The following FREM2 variants were observed in gnomAD, a reference collection of about 807,000 sequenced individuals.
The protein encoded by FREM2 is FRAS1 related extracellular matrix 2.
In FREM2, 119 loss-of-function variants were observed where a neutral mutation model predicts 219.9. That is an observed-to-expected ratio of 0.54 (90% CI 0.47 to 0.63). FREM2 has a LOEUF of 0.63. FREM2 is among the 30% of genes least tolerant of loss of function. FREM2 has a pLI of 0.00. For synonymous variants in FREM2, 1,562 were observed against 1,522.8 expected (o/e 1.03, Z -0.60); for missense variants, 4,030 against 3,993.6 (o/e 1.01, Z -0.25).
Position 38,837,775 on chromosome 13 carries a change from G to GTTT in FREM2, c.6020-8796_6020-8794dup, listed in dbSNP as rs1555270912. Among the ~76,000 whole-genome samples the GTTT allele has an allele frequency of 9.1e-3, 1,171 of 127,998 alleles. 24 individuals are homozygous for GTTT. Among genetic ancestry groups the GTTT allele is most frequent in the Middle Eastern group, 0.02 (5 of 248 alleles). 84.0% of individuals were successfully genotyped at this position (127,998 alleles called of 152,430 possible). ...GGATTGCAACCCCTGGTTTTTTTTTGTTTTGTTTTGTTTTGTTTTTGCTTT... is the reference window on the plus strand; with the variant it reads ...GGATTGCAACCCCTGGTTTTTTTTTGTTTTTTTGTTTTGTTTTGTTTTTGCTTT... On this transcript the variant is annotated intron_variant, in intron 6 of 23. Transcript: ENST00000280481.
chr13:38,813,563 C>A (rs61947962), intron 6 of FREM2, among the ~76,000 whole-genome samples: 788 of 4,308 alleles, frequency 0.18, 76 homozygotes, highest in African/African-American at 0.22. Flanking sequence ...CTCTCTCTCT[C>A]TATATATATA....
chr13:38,856,299 G>A (rs1877558984), intron 12 of FREM2, 43 bp downstream of exon 12: 2 of 1,586,530 alleles, frequency 1.3e-6, no homozygotes, highest in Non-Finnish European at 8.6e-7. Context: ...CTAGCAGTTT[G>A]TCAGAGGAAA....
At chr13:38,789,062 TATTTTTGC>T (rs1806704182) in intron 6 of FREM2, among the ~76,000 whole-genome samples, 1 of 152,068 alleles carries the variant, frequency 6.6e-6, no homozygotes, top group African/African-American at 2.4e-5. Context: ...TTCATTTTAG[TATTTTTGC>T]ATGTATATGG....
At chr13:38,712,730 A>G (rs1217280688) in intron 2 of FREM2, among the ~76,000 whole-genome samples, 1 of 151,900 alleles carries the variant, frequency 6.6e-6, no homozygotes, top group Non-Finnish European at 1.5e-5. Flanking sequence ...ATTCCAGTGT[A>G]TTACTATTTG....
intron 6 of FREM2, among the ~76,000 whole-genome samples, chr13:38,824,524 C>T (rs897076600): frequency 2.6e-5 from 4 of 152,030 alleles, no homozygotes; most frequent in African/African-American, 9.7e-5. Flanking sequence ...ACCAAAGGCT[C>T]ATAGGTTAGG....
chr13:38,695,671 G>A (rs1031446913), intron 1 of FREM2, among the ~76,000 whole-genome samples: 1 of 152,170 alleles, frequency 6.6e-6, no homozygotes, highest in African/African-American at 2.4e-5. Context: ...AAGATGTGTA[G>A]TCAGCAGAGT....
At chr13:38,785,592 C>G (rs760508151) in intron 6 of FREM2, among the ~76,000 whole-genome samples, 6 of 152,230 alleles carry the variant, frequency 3.9e-5, no homozygotes, top group Non-Finnish European at 5.9e-5. Context: ...TGGAAAGAAG[C>G]TGGAAGACAG....
At chr13:38,778,105 A>G (rs960917190) in intron 4 of FREM2, among the ~76,000 whole-genome samples, 2 of 152,250 alleles carry the variant, frequency 1.3e-5, no homozygotes, top group African/African-American at 4.8e-5. Context: ...AAAATCCCAT[A>G]CATGGACCAC....
In FREM2 at chr13:38,880,466, G is replaced by T. The variant is rs1338009734; in HGVS notation, c.9189G>T (p.Trp3063Cys). 2 of 1,614,038 alleles carry T rather than the reference G, an allele frequency of 1.2e-6. No homozygotes were observed. The highest frequency in any genetic ancestry group is 2.7e-5 in the African/African-American group (2 of 74,968). Residue 3063 changes from tryptophan to cysteine, a missense_variant, in exon 24 of 24, where the codon TGG (tryptophan) becomes TGT (cysteine). This residue lies in a region of FREM2 where 928 missense variants were observed against 1,042.9 expected (regional missense o/e 0.89). Coordinates refer to ENST00000280481, the MANE Select transcript of FREM2 (RefSeq NM_207361.6). ...REIRSTPSLAWEIGAENSRGT... is the reference protein window; with the variant it reads ...REIRSTPSLACEIGAENSRGT... The stretch of plus-strand genomic sequence containing the variant: ...TCAGGAGCACACCCTCACTGGCATG[G>T]GAGATTGGTGCTGAAAACAGTCGAG...
rs187675517 is a variant in FREM2, at chr13:38,755,629, A to G, written c.5264-8675A>G. On this transcript the variant is annotated intron_variant, in intron 2 of 23. Transcript: ENST00000280481. ...TCTATAGAGTCCATTATTTTGCCTG[A>G]CATCCATTTTCATTACCACAAGTTC... is the stretch of plus-strand genomic sequence containing the variant. Among the ~76,000 whole-genome samples, 582 of 152,252 alleles carry G rather than the reference A, an allele frequency of 3.8e-3. 4 individuals are homozygous for G. The highest frequency in any genetic ancestry group is 0.013 in the African/African-American group (550 of 41,548).
chr13:38,868,451 C>A (rs572323057), intron 16 of FREM2, among the ~76,000 whole-genome samples: 16 of 152,310 alleles, frequency 1.1e-4, no homozygotes, highest in African/African-American at 3.9e-4. Flanking sequence ...AGCCCAGGTT[C>A]GTGTAGCTTG....
chr13:38,865,694 T>C (rs1877937583), intron 16 of FREM2, among the ~76,000 whole-genome samples: 2 of 152,154 alleles, frequency 1.3e-5, no homozygotes, highest in Admixed American at 6.5e-5. Context: ...GACATGACCA[T>C]AGCCACCTTG....
intron 6 of FREM2, among the ~76,000 whole-genome samples, chr13:38,807,188 GTTATATATATATATAT>G (rs1310711651): frequency 0.016 from 1,057 of 66,420 alleles, 150 homozygotes; most frequent in South Asian, 0.029. Flanking sequence ...TCTTGTCTCT[GTTATATATATATATAT>G]ATATATATAT....
chr13:38,851,001 T>C lies in FREM2; in HGVS notation c.6635T>C (p.Val2212Ala). ...ATGGACGATGTGCTCTATGAGGAGG[T>C]AGAGGAGCTCCGCCTGGTACTCGGC... ...ELMDDVLYEE[V>A]EELRLVLGTP... Residue 2212 changes from valine to alanine, a missense_variant, in exon 10 of 24, where the codon GTA (valine) becomes GCA (alanine). Val to Ala is a moderately conservative substitution (Grantham distance 64, BLOSUM62 0). Around this residue, in one of 2 missense-constraint regions of FREM2, gnomAD observed 3,102 missense variants for 2,950.7 expected, o/e 1.05. Coordinates refer to ENST00000280481, the MANE Select transcript of FREM2 (RefSeq NM_207361.6). 6.2e-7 allele frequency: 1 copy of C among 1,613,608 alleles called. No individual in the cohort carries two copies. The highest frequency in any genetic ancestry group is 8.5e-7 in the Non-Finnish European group (1 of 1,179,976).
At chr13:38,747,065 A>G (rs1484743113) in intron 2 of FREM2, among the ~76,000 whole-genome samples, 1 of 152,128 alleles carries the variant, frequency 6.6e-6, no homozygotes, top group East Asian at 1.9e-4. Flanking sequence ...CAGCATCTGT[A>G]CATTCTATCA....
At chr13:38,710,040 T>G (rs913753022) in intron 2 of FREM2, among the ~76,000 whole-genome samples, 1 of 134,762 alleles carries the variant, frequency 7.4e-6, no homozygotes, top group East Asian at 2.2e-4. Flanking sequence ...CACACACAAA[T>G]TAGCCGGGCG....
intron 2 of FREM2, among the ~76,000 whole-genome samples, chr13:38,708,660 T>A (rs1870636608): frequency 6.6e-6 from 1 of 152,060 alleles, no homozygotes; most frequent in Non-Finnish European, 1.5e-5. Flanking sequence ...TCTCAATAAA[T>A]AAATAAATAA....
rs755551602 is a variant in FREM2 at position 38,769,566 on chromosome 13, G to GT, written c.5411-7dup. 1.3e-6 allele frequency: 2 copies of GT among 1,597,080 alleles called. No homozygotes were observed. Among genetic ancestry groups the GT allele is most frequent in the Middle Eastern group, 1.7e-4 (1 of 6,034 alleles). On this transcript the variant is annotated splice_polypyrimidine_tract_variant and intron_variant, in intron 3 of 23. Transcript: ENST00000280481. ...AATGAAACTAAGAAAATGATATTAT[G>GT]TTTTTGTGAAGGTATTGGCACAAGA...
rs546554965 is a variant in FREM2 at position 38,878,443 on chromosome 13, C to G, written c.8859+122C>G. On this transcript the variant is annotated intron_variant, in intron 22 of 23. Coordinates refer to ENST00000280481, the MANE Select transcript of FREM2 (RefSeq NM_207361.6). Reference sequence around the variant, plus strand: ...CTATAGTCCCAGCACTTTGGGAGGCCAAGGTAGAAGGATCACTTGAAGCCA... The same window carrying G: ...CTATAGTCCCAGCACTTTGGGAGGCGAAGGTAGAAGGATCACTTGAAGCCA... 7.4e-5 allele frequency: 36 copies of G among 486,058 alleles called. 1 individual carries two copies. The highest frequency in any genetic ancestry group is 6.9e-4 in the African/African-American group (33 of 48,006). 30.1% of individuals were successfully genotyped at this position (486,058 alleles called of 1,614,324 possible). A position where few individuals can be genotyped will look rare whatever the true frequency, so the allele number is the denominator to read the frequency against.
Sources: allele counts gnomAD v4.1 joint callset (sites outside exome capture counted in the v4.1 genomes callset), GRCh38; gene constraint gnomAD v4.1.1; regional missense constraint gnomAD v4.1.1; transcripts MANE v1.5; gene names NCBI Gene and HGNC (gene_info 2026-07-23, HGNC 2026-07-21).